KIAA0825: variants seen among roughly 807,000 people sequenced by gnomAD.
The protein encoded by KIAA0825 is KIAA0825.
KIAA0825 carries 119 observed loss-of-function variants against 147.6 expected under a neutral mutation model. The ratio of observed to expected loss-of-function variants is 0.81; its 90% CI spans 0.69 to 0.94. KIAA0825 has a LOEUF of 0.94. Among genes scored for constraint, KIAA0825 ranks in the 40% least tolerant of loss-of-function variants. KIAA0825 has a pLI of 0.00. For missense variants in KIAA0825, 1,381 were observed against 1,472.7 expected, an observed-to-expected ratio of 0.94 and a Z score of 1.02; for synonymous variants, 470 against 518.1, an observed-to-expected ratio of 0.91 and a Z score of 1.26.
chr5:94,273,054 T>C (rs2150145228), intron 20 of KIAA0825, among the ~76,000 whole-genome samples: 2 of 152,346 alleles, frequency 1.3e-5, no homozygotes, highest in South Asian at 4.1e-4. Flanking sequence ...GCCTTGCAGC[T>C]GTGGCATTTG....
At chr5:94,602,969 C>T (rs1177383589) in intron 1 of KIAA0825, among the ~76,000 whole-genome samples, 1 of 151,936 alleles carries the variant, frequency 6.6e-6, no homozygotes, top group East Asian at 1.9e-4. Context: ...GTTGGGATTA[C>T]AGGTGCCTGC....
chr5:94,191,930 A>T (rs1390038526), intron 20 of KIAA0825, among the ~76,000 whole-genome samples: 1 of 152,258 alleles, frequency 6.6e-6, no homozygotes, highest in East Asian at 1.9e-4. Context: ...ATCTGATTAA[A>T]TAGATTCATG....
intron 5 of KIAA0825, among the ~76,000 whole-genome samples, chr5:94,489,146 T>C (rs1046720864): frequency 2.0e-5 from 3 of 152,202 alleles, no homozygotes; most frequent in Non-Finnish European, 4.4e-5. Flanking sequence ...ATTATCATAG[T>C]ATTTTTGCAG....
intron 20 of KIAA0825, among the ~76,000 whole-genome samples, chr5:94,297,077 T>C (rs1193952505): frequency 6.6e-6 from 1 of 152,224 alleles, no homozygotes; most frequent in Non-Finnish European, 1.5e-5. Flanking sequence ...TATCCTTTAA[T>C]AAACATTTTA....
intron 12 of KIAA0825, among the ~76,000 whole-genome samples, chr5:94,461,838 G>A (rs1387135325): frequency 2.0e-5 from 3 of 151,898 alleles, no homozygotes; most frequent in Middle Eastern, 3.4e-3. Context: ...ATTATAAGAC[G>A]TATTCTAACC....
intron 20 of KIAA0825, among the ~76,000 whole-genome samples, chr5:94,168,129 C>T (rs1318164845): frequency 6.6e-6 from 1 of 151,324 alleles, no homozygotes; most frequent in South Asian, 2.1e-4. Flanking sequence ...ATAATTATGT[C>T]CAAACTCAAT....
chr5:94,362,430 G>A (rs1284137733), intron 20 of KIAA0825, among the ~76,000 whole-genome samples: 1 of 152,124 alleles, frequency 6.6e-6, no homozygotes, highest in Non-Finnish European at 1.5e-5. Context: ...CATCACTCTA[G>A]CCAATAACGT....
intron 2 of KIAA0825, among the ~76,000 whole-genome samples, chr5:94,551,700 A>T (rs1253646522): frequency 6.6e-6 from 1 of 152,088 alleles, no homozygotes; most frequent in East Asian, 1.9e-4. Context: ...CCTTATATTA[A>T]ATACTTAAGG....
chr5:94,406,076 G>A (rs976192536), intron 15 of KIAA0825, among the ~76,000 whole-genome samples: 1 of 151,870 alleles, frequency 6.6e-6, no homozygotes, highest in Non-Finnish European at 1.5e-5. Flanking sequence ...ACAGGCATGC[G>A]CCACCACGCC....
chr5:94,329,376 C>T (rs1468862262), intron 20 of KIAA0825, among the ~76,000 whole-genome samples: 3 of 151,962 alleles, frequency 2.0e-5, no homozygotes, highest in African/African-American at 7.2e-5. Context: ...CTTGAATATA[C>T]AGATTGAAAG....
intron 2 of KIAA0825, among the ~76,000 whole-genome samples, chr5:94,573,383 G>A (rs1780351082): frequency 6.7e-6 from 1 of 149,022 alleles, no homozygotes; most frequent in Admixed American, 6.8e-5. Context: ...GAATTCTCCT[G>A]TTTCAGCCTC....
At chr5:94,440,826 C>T (rs1316486430) in intron 13 of KIAA0825, among the ~76,000 whole-genome samples, 2 of 152,080 alleles carry the variant, frequency 1.3e-5, no homozygotes, top group African/African-American at 4.8e-5. Context: ...AGCAAAGGAA[C>T]TGATAACATT....
intron 20 of KIAA0825, among the ~76,000 whole-genome samples, chr5:94,317,055 G>A (rs906440975): frequency 1.3e-5 from 2 of 151,806 alleles, no homozygotes; most frequent in African/African-American, 4.8e-5. Context: ...AAACTAGATA[G>A]TAAGATATGA....
At chr5:94,534,951 T>C (rs1771655829) in intron 3 of KIAA0825, among the ~76,000 whole-genome samples, 1 of 152,102 alleles carries the variant, frequency 6.6e-6, no homozygotes, top group Admixed American at 6.5e-5. Context: ...TGTTAGAAAC[T>C]GCGTCATAAA....
In KIAA0825 at chr5:94,152,184, A is replaced by G. The variant is rs1766551573; in HGVS notation, c.*1823T>C. ...CCATTTATGTATTTTTATTTAAAGA[A>G]AAAATGTAAGAGATTTCCTAATGTG... is the stretch of plus-strand genomic sequence containing the variant. On this transcript the variant is annotated 3_prime_UTR_variant, in exon 21 of 21. Coordinates refer to ENST00000682413, the MANE Select transcript of KIAA0825 (RefSeq NM_001145678.3). Among the ~76,000 whole-genome samples the G allele has an allele frequency of 6.6e-6, 1 of 152,208 alleles. No homozygotes were observed. Among genetic ancestry groups the G allele is most frequent in the Admixed American group, 6.5e-5 (1 of 15,276 alleles).
chr5:94,153,987 C>T lies in KIAA0825; in HGVS notation c.*20G>A. On this transcript the variant is annotated 3_prime_UTR_variant, in exon 21 of 21. Coordinates refer to ENST00000682413, the MANE Select transcript of KIAA0825 (RefSeq NM_001145678.3). ...CATGGGATTGTTTCCTAAAATAAAG[C>T]TGTTGCTGTTTTCTGCAGATTACTG... 2.7e-6 allele frequency: 4 copies of T among 1,477,692 alleles called. No homozygotes were observed. The highest frequency in any genetic ancestry group is 3.7e-6 in the Non-Finnish European group (4 of 1,079,834). The allele number at this position is 1,477,692 out of a possible 1,614,324, so 91.5% of individuals were successfully genotyped here. A position where few individuals can be genotyped will look rare whatever the true frequency, so the allele number is the denominator to read the frequency against.
chr5:94,278,153 C>G (rs1283374505), intron 20 of KIAA0825, among the ~76,000 whole-genome samples: 2 of 152,012 alleles, frequency 1.3e-5, no homozygotes, highest in South Asian at 4.2e-4. Context: ...AGGACAAATA[C>G]CTAATGCATG....
At chr5:94,525,861 A>C (rs904390107) in intron 3 of KIAA0825, among the ~76,000 whole-genome samples, 2 of 152,032 alleles carry the variant, frequency 1.3e-5, no homozygotes, top group African/African-American at 4.8e-5. Flanking sequence ...ATATTTTGGT[A>C]ATTTGTCCAA....
At chr5:94,221,406 C>T (rs1351101408) in intron 20 of KIAA0825, among the ~76,000 whole-genome samples, 2 of 152,206 alleles carry the variant, frequency 1.3e-5, no homozygotes, top group Non-Finnish European at 2.9e-5. Context: ...AAGATTACTT[C>T]TGTAAAATCA....
Sources: gnomAD v4.1 joint callset for allele counts (sites outside exome capture counted in the v4.1 genomes callset) on GRCh38, gnomAD v4.1.1 for gene constraint, MANE v1.5 for transcripts, NCBI Gene and HGNC (gene_info 2026-07-23, HGNC 2026-07-21) for gene names.